DNAH14: variants seen among roughly 807,000 people sequenced by gnomAD.
DNAH14 encodes the protein axonemal beta dynein heavy chain 14.
In DNAH14, 478 loss-of-function variants were observed where a neutral mutation model predicts 520.9. The observed-to-expected ratio is 0.92, with a 90% CI of 0.85 to 0.99. DNAH14 has a LOEUF of 0.99. DNAH14 is among the 50% of genes least tolerant of loss of function. The pLI, the probability that DNAH14 is intolerant of heterozygous loss-of-function variation, is 0.00. For synonymous variants in DNAH14, 1,581 were observed against 1,757.2 expected, an observed-to-expected ratio of 0.90 and a Z score of 2.51; for missense variants, 4,831 against 5,234.5, an observed-to-expected ratio of 0.92 and a Z score of 2.38.
rs1313268899 is a variant in DNAH14 at position 225,335,609 on chromosome 1, A to G, written c.10081-1657A>G. Among the ~76,000 whole-genome samples the G allele has an allele frequency of 1.4e-5, 2 of 146,592 alleles. 1 individual carries two copies. The highest frequency in any genetic ancestry group is 3.0e-5 in the Non-Finnish European group (2 of 66,198). On this transcript the variant is annotated intron_variant, in intron 66 of 85. Coordinates refer to ENST00000682510, the MANE Select transcript of DNAH14 (RefSeq NM_001367479.1). ...CATATATGTATATACGCATACGTAT[A>G]TGTGTATATACGCATATATACATAT...
intron 21 of DNAH14, among the ~76,000 whole-genome samples, chr1:225,089,813 A>G (rs1479240778): frequency 2.6e-5 from 4 of 152,222 alleles, no homozygotes; most frequent in African/African-American, 7.2e-5. Flanking sequence ...AATTAAGAAT[A>G]GAAGATAACA....
intron 77 of DNAH14, among the ~76,000 whole-genome samples, chr1:225,370,608 G>A (rs1433046632): frequency 6.6e-6 from 1 of 151,828 alleles, no homozygotes; most frequent in African/African-American, 2.4e-5. Flanking sequence ...CAGAACAAAA[G>A]CTATACTTAG....
intron 73 of DNAH14, 36 bp downstream of exon 73, chr1:225,353,924 A>G (rs984585732): frequency 1.4e-5 from 16 of 1,180,828 alleles, no homozygotes; most frequent in Non-Finnish European, 1.9e-5. Context: ...AATATTCTAA[A>G]TATTTTGAGT....
intron 81 of DNAH14, among the ~76,000 whole-genome samples, chr1:225,381,930 G>T (rs528443471): frequency 6.6e-6 from 1 of 152,278 alleles, no homozygotes; most frequent in South Asian, 2.1e-4. Flanking sequence ...ACTGGGTCAT[G>T]GTCTTAAACA....
chr1:225,298,306 C>T (rs1247197584), intron 55 of DNAH14, among the ~76,000 whole-genome samples: 1 of 152,144 alleles, frequency 6.6e-6, no homozygotes, highest in East Asian at 1.9e-4. Flanking sequence ...GGCTATTTCT[C>T]AGGTCCTGGG....
chr1:225,091,504 A>G (rs1004216913), intron 21 of DNAH14, among the ~76,000 whole-genome samples: 2 of 152,200 alleles, frequency 1.3e-5, no homozygotes, highest in African/African-American at 4.8e-5. Context: ...CAAAGGAGAA[A>G]TAAGATCATT....
At chr1:224,959,712 G>C (rs2060726691) in intron 3 of DNAH14, among the ~76,000 whole-genome samples, 1 of 151,994 alleles carries the variant, frequency 6.6e-6, no homozygotes, top group Non-Finnish European at 1.5e-5. Flanking sequence ...TTAATAAACA[G>C]GGTCCTCTTC....
intron 17 of DNAH14, among the ~76,000 whole-genome samples, chr1:225,072,300 A>G (rs1037256055): frequency 2.0e-5 from 3 of 152,060 alleles, no homozygotes; most frequent in African/African-American, 7.2e-5. Context: ...TCAAGCTCTG[A>G]GATTTTTTTC....
intron 81 of DNAH14, among the ~76,000 whole-genome samples, chr1:225,388,107 GGAAAT>G (rs751444689): frequency 6.6e-6 from 1 of 152,000 alleles, no homozygotes; most frequent in Non-Finnish European, 1.5e-5. Context: ...AAGGAGGTGA[GGAAAT>G]GAAAAGATTT....
chr1:225,370,435 A>G (rs1049190898), intron 77 of DNAH14, among the ~76,000 whole-genome samples: 1 of 151,122 alleles, frequency 6.6e-6, no homozygotes, highest in African/African-American at 2.4e-5. Context: ...CAGGAGGATC[A>G]CTTGACCCCA....
chr1:225,273,758 C>T (rs2093381052), intron 52 of DNAH14, among the ~76,000 whole-genome samples: 1 of 152,250 alleles, frequency 6.6e-6, no homozygotes, highest in South Asian at 2.1e-4. Flanking sequence ...TTCTTACTGC[C>T]TGTCTTTTAA....
intron 64 of DNAH14, among the ~76,000 whole-genome samples, chr1:225,326,154 CACA>C (rs1346188451): frequency 5.3e-5 from 8 of 152,244 alleles, no homozygotes; most frequent in African/African-American, 1.9e-4. Context: ...ATGTAATCCT[CACA>C]ACAACATTTC....
At chr1:225,203,601 G>T (rs1471129262) in intron 38 of DNAH14, among the ~76,000 whole-genome samples, 1 of 152,164 alleles carries the variant, frequency 6.6e-6, no homozygotes, top group Non-Finnish European at 1.5e-5. Context: ...ATAATAAGGA[G>T]TTAATATGTT....
At chr1:224,937,289 T>C (rs147517939) in intron 1 of DNAH14, among the ~76,000 whole-genome samples, 280 of 152,114 alleles carry the variant, frequency 1.8e-3, no homozygotes, top group Middle Eastern at 3.4e-3. Context: ...TGTCATGATC[T>C]TATATCTAGA....
Position 225,324,134 on chromosome 1 carries a change from A to C in DNAH14, c.9496-88A>C, listed in dbSNP as rs969253388. The C allele has an allele frequency of 1.2e-5, 17 of 1,464,910 alleles. No homozygotes were observed. In the African/African-American group the frequency reaches 2.4e-4, roughly 21 times the overall value. The allele number at this position is 1,464,910 out of a possible 1,614,324, so 90.7% of individuals were successfully genotyped here. A position where few individuals can be genotyped will look rare whatever the true frequency, so the allele number is the denominator to read the frequency against. The stretch of plus-strand genomic sequence containing the variant: ...CCCGGCCTGAATATTTTAATATGAA[A>C]TAAAATTTCAATCTAGTGTAGACTG... On this transcript the variant is annotated intron_variant, in intron 62 of 85. Coordinates refer to ENST00000682510, the MANE Select transcript of DNAH14 (RefSeq NM_001367479.1).
intron 17 of DNAH14, among the ~76,000 whole-genome samples, chr1:225,058,302 T>C (rs1372469973): frequency 6.6e-6 from 1 of 152,226 alleles, no homozygotes; most frequent in Non-Finnish European, 1.5e-5. Context: ...TTCTAGATTT[T>C]CTAGTTTATT....
At chr1:225,061,139 C>T (rs1322768378) in intron 17 of DNAH14, among the ~76,000 whole-genome samples, 10 of 152,214 alleles carry the variant, frequency 6.6e-5, no homozygotes, top group East Asian at 1.9e-4. Context: ...AGGCAGCCCT[C>T]CTTGAGCTGT....
At chr1:225,315,245 G>T (rs1358743576) in intron 60 of DNAH14, among the ~76,000 whole-genome samples, 1 of 150,894 alleles carries the variant, frequency 6.6e-6, no homozygotes, top group Non-Finnish European at 1.5e-5. Flanking sequence ...CTGATATTTG[G>T]GTATGCTTCA....
At chr1:224,994,593 C>A (rs2063272375) in intron 8 of DNAH14, among the ~76,000 whole-genome samples, 1 of 152,006 alleles carries the variant, frequency 6.6e-6, no homozygotes, top group African/African-American at 2.4e-5. Flanking sequence ...GTCTTGCAGG[C>A]AGCCTATAGT....
Sources: gnomAD v4.1 joint callset for allele counts (sites outside exome capture counted in the v4.1 genomes callset) on GRCh38, gnomAD v4.1.1 for gene constraint, MANE v1.5 for transcripts, NCBI Gene and HGNC (gene_info 2026-07-23, HGNC 2026-07-21) for gene names.